The following ACACA variants were observed in gnomAD, a reference collection of about 807,000 sequenced individuals.
The protein encoded by ACACA is acetyl-CoA carboxylase 1.
Under a neutral mutation model 296.1 loss-of-function variants are expected in ACACA, and 103 were observed. That is an observed-to-expected ratio of 0.35 (90% CI 0.30 to 0.41). ACACA has a LOEUF of 0.41. Ranked by LOEUF, ACACA falls within the 10% of genes least tolerant of loss-of-function variation. The pLI, the probability that ACACA is intolerant of heterozygous loss-of-function variation, is 1.00. For missense variants in ACACA, 1,554 were observed against 2,989.7 expected (o/e 0.52, Z 11.20); for synonymous variants, 953 against 1,038.6 (o/e 0.92, Z 1.58).
chr17:37,342,564 G>A (rs2048435963), intron 1 of ACACA, among the ~76,000 whole-genome samples: 1 of 148,848 alleles, frequency 6.7e-6, no homozygotes. Context: ...TTTATTTGGA[G>A]ACTCTTGAAA....
intron 33 of ACACA, among the ~76,000 whole-genome samples, chr17:37,203,844 G>T (rs1453506849): frequency 6.6e-6 from 1 of 152,204 alleles, no homozygotes; most frequent in Non-Finnish European, 1.5e-5. Flanking sequence ...CTGGCCAAGG[G>T]CAAGAAGGAA....
chr17:37,391,850 T>C lies in ACACA; in HGVS notation c.38+14412A>G, dbSNP rs150689068. On this transcript the variant is annotated intron_variant, in intron 1 of 55. Transcript: ENST00000616317. The stretch of plus-strand genomic sequence containing the variant: ...GACATTACAATCAAACACCAATTCC[T>C]GGTTAATGAAGGGAGAGTGTGGGCT... The C allele has an allele frequency of 1.1e-5, 10 of 885,426 alleles. No homozygotes were observed. In the African/African-American group the frequency reaches 1.1e-4, roughly 10 times the overall value. The allele number at this position is 885,426 out of a possible 1,614,324, so 54.8% of individuals were successfully genotyped here. A position where few individuals can be genotyped will look rare whatever the true frequency, so the allele number is the denominator to read the frequency against.
At chr17:37,115,673 A>AT (rs1392623372) in intron 50 of ACACA, among the ~76,000 whole-genome samples, 2 of 152,182 alleles carry the variant, frequency 1.3e-5, no homozygotes, top group Non-Finnish European at 2.9e-5. Context: ...TCATTCATCT[A>AT]TTAAAAAAAT....
chr17:37,258,316 A>G lies in ACACA; in HGVS notation c.1558T>C (p.Ser520Pro), dbSNP rs1395589486. 1 of 1,614,074 alleles carries G rather than the reference A, an allele frequency of 6.2e-7. No individual in the cohort carries two copies. The highest frequency in any genetic ancestry group is 1.7e-5 in the Admixed American group (1 of 60,020). The change falls in exon 13 of 56, where the codon TCT (serine) becomes CCT (proline). Residue 520 changes from serine (S) to proline (P), a missense_variant. Coordinates refer to ENST00000616317, the MANE Select transcript of ACACA (RefSeq NM_198834.3). The stretch of plus-strand genomic sequence containing the variant: ...TCAATGGGAGAATCACCCCAGGGAG[A>G]TACCCCATACATCATACGGATATCC... ...IKDIRMMYGV[S>P]PWGDSPIDFE...
At chr17:37,142,900 A>G (rs1426622011) in intron 45 of ACACA, among the ~76,000 whole-genome samples, 1 of 152,248 alleles carries the variant, frequency 6.6e-6, no homozygotes. Context: ...TCAAAGAATC[A>G]GAAAGTATAG....
chr17:37,401,534 C>T (rs534311996), intron 1 of ACACA, among the ~76,000 whole-genome samples: 1 of 148,460 alleles, frequency 6.7e-6, no homozygotes, highest in East Asian at 2.0e-4. Context: ...TGAATATTTT[C>T]TCCCATTCCG....
intron 1 of ACACA, among the ~76,000 whole-genome samples, chr17:37,361,288 T>C (rs979911611): frequency 1.3e-5 from 2 of 151,960 alleles, no homozygotes; most frequent in Admixed American, 1.3e-4. Context: ...CCGCCCACCT[T>C]AGCCTCCCAA....
chr17:37,115,726 AGT>A (rs1266884217), intron 50 of ACACA, among the ~76,000 whole-genome samples: 2 of 152,004 alleles, frequency 1.3e-5, no homozygotes, highest in Non-Finnish European at 1.5e-5. Flanking sequence ...AATGAAGATG[AGT>A]GTGTGTGTGT....
At chr17:37,122,855 C>T in intron 48 of ACACA, 2 of 613,318 alleles carry the variant, frequency 3.3e-6, no homozygotes. Flanking sequence ...CGGAAATGTC[C>T]CAACACAAGA....
intron 33 of ACACA, among the ~76,000 whole-genome samples, chr17:37,203,784 C>T (rs995175916): frequency 3.9e-5 from 6 of 152,012 alleles, no homozygotes; most frequent in Non-Finnish European, 7.4e-5. Flanking sequence ...AAAAACTCTT[C>T]CAGCAAAGAT....
intron 35 of ACACA, among the ~76,000 whole-genome samples, chr17:37,198,995 T>C (rs1317057971): frequency 6.6e-6 from 1 of 152,106 alleles, no homozygotes. Flanking sequence ...ATCTCAGCAC[T>C]TTGGGAGGCT....
At chr17:37,377,792 C>A in intron 1 of ACACA, 6 of 1,087,198 alleles carry the variant, frequency 5.5e-6, no homozygotes, top group Non-Finnish European at 8.3e-6. Context: ...TCTCCATTGC[C>A]CAGAATTCTA....
chr17:37,349,019 G>A (rs2048763751), intron 1 of ACACA, among the ~76,000 whole-genome samples: 1 of 150,396 alleles, frequency 6.6e-6, no homozygotes, highest in Non-Finnish European at 1.5e-5. Context: ...TAAAACTATT[G>A]GATAAAGGGT....
At chr17:37,273,648 G>A (rs993781382) in intron 9 of ACACA, among the ~76,000 whole-genome samples, 1 of 152,190 alleles carries the variant, frequency 6.6e-6, no homozygotes, top group Non-Finnish European at 1.5e-5. Context: ...GAAATCTGTG[G>A]TCATTCAGCA....
At chr17:37,340,960 C>G (rs1341210933) in intron 1 of ACACA, among the ~76,000 whole-genome samples, 1 of 152,152 alleles carries the variant, frequency 6.6e-6, no homozygotes, top group Non-Finnish European at 1.5e-5. Flanking sequence ...ACTTGGGAGG[C>G]TGAGGCAGAG....
intron 3 of ACACA, chr17:37,299,398 T>C (rs2083509894): frequency 3.1e-6 from 5 of 1,612,620 alleles, no homozygotes; most frequent in Non-Finnish European, 4.2e-6. Flanking sequence ...AAGCCGCAGT[T>C]CCTCCTCCTG....
At chr17:37,348,525 C>T (rs1362361777) in intron 1 of ACACA, among the ~76,000 whole-genome samples, 3 of 152,078 alleles carry the variant, frequency 2.0e-5, no homozygotes, top group Non-Finnish European at 4.4e-5. Context: ...TTAAACAATG[C>T]CTTCAAAATT....
intron 1 of ACACA, chr17:37,389,434 C>T (rs2050693222): frequency 6.6e-7 from 1 of 1,516,936 alleles, no homozygotes; most frequent in African/African-American, 1.4e-5. Context: ...TGGTGGCTCA[C>T]ACCTCTATTC....
intron 24 of ACACA, among the ~76,000 whole-genome samples, chr17:37,239,627 A>C (rs1352264396): frequency 3.3e-5 from 5 of 152,172 alleles, no homozygotes; most frequent in African/African-American, 4.8e-5. Context: ...TTATCTTGAG[A>C]TAATGAGCAT....
Sources: allele counts gnomAD v4.1 joint callset (sites outside exome capture counted in the v4.1 genomes callset), GRCh38; gene constraint gnomAD v4.1.1; transcripts MANE v1.5; gene names NCBI Gene and HGNC (gene_info 2026-07-23, HGNC 2026-07-21).